Variants in ZNF407 observed in about 807,000 individuals in gnomAD.
ZNF407 encodes the protein zinc finger protein 407.
ZNF407 carries 17 observed loss-of-function variants against 131.2 expected under a neutral mutation model. That is an observed-to-expected ratio of 0.13 (90% CI 0.09 to 0.19). The LOEUF is 0.19. ZNF407 is among the 10% of genes least tolerant of loss of function. The pLI is 1.00. For missense variants in ZNF407, 2,681 were observed against 2,830.6 expected (o/e 0.95, Z 1.20); for synonymous variants, 1,156 against 1,062.0 (o/e 1.09, Z -1.72).
At chr18:74,598,771 C>CA (rs1280478839) in intron 1 of ZNF407, among the ~76,000 whole-genome samples, 1 of 152,262 alleles carries the variant, frequency 6.6e-6, no homozygotes, top group Non-Finnish European at 1.5e-5. Flanking sequence ...TCTTTCCAGC[C>CA]AGCTAGCACG....
chr18:74,884,166 A>G (rs1027287390), intron 6 of ZNF407, among the ~76,000 whole-genome samples: 2 of 152,208 alleles, frequency 1.3e-5, no homozygotes, highest in African/African-American at 4.8e-5. Flanking sequence ...TCTTCAAACC[A>G]TTAGCAAATA....
chr18:75,002,118 C>G (rs1972851935), intron 8 of ZNF407, among the ~76,000 whole-genome samples: 1 of 152,208 alleles, frequency 6.6e-6, no homozygotes, highest in African/African-American at 2.4e-5. Flanking sequence ...GCAACTGCAG[C>G]CTTCAGCCTT....
rs568924296 is a variant in ZNF407, at chr18:75,007,991, T to C, written c.5429-55159T>C. Among the ~76,000 whole-genome samples, 17 of 152,282 alleles carry C rather than the reference T, an allele frequency of 1.1e-4. No individual in the cohort carries two copies. In the South Asian group the frequency reaches 3.5e-3, roughly 32 times the overall value. On this transcript the variant is annotated intron_variant, in intron 8 of 8. Transcript: ENST00000299687. Reference sequence around the variant, plus strand: ...TTTTCTCGGCCAAAGGAATAACTCATTGAAATGCACAGGCTCAAGGGGAAT... The same window carrying C: ...TTTTCTCGGCCAAAGGAATAACTCACTGAAATGCACAGGCTCAAGGGGAAT...
intron 4 of ZNF407, among the ~76,000 whole-genome samples, chr18:74,843,949 A>G (rs954246464): frequency 1.3e-5 from 2 of 152,224 alleles, no homozygotes; most frequent in African/African-American, 4.8e-5. Context: ...TAGTTTAAAC[A>G]TGAAGCATGA....
intron 4 of ZNF407, among the ~76,000 whole-genome samples, chr18:74,792,336 A>G (rs543115516): frequency 6.6e-6 from 1 of 151,934 alleles, no homozygotes; most frequent in East Asian, 1.9e-4. Flanking sequence ...TTTAAATTAG[A>G]CCCAAATTTT....
intron 4 of ZNF407, among the ~76,000 whole-genome samples, chr18:74,868,828 A>C (rs1441646172): frequency 1.3e-5 from 2 of 152,214 alleles, no homozygotes; most frequent in African/African-American, 4.8e-5. Flanking sequence ...AGTCCCACAT[A>C]CTGTGGGGTT....
At chr18:74,886,543 A>C (rs753345393) in intron 6 of ZNF407, among the ~76,000 whole-genome samples, 1 of 152,234 alleles carries the variant, frequency 6.6e-6, no homozygotes, top group East Asian at 1.9e-4. Flanking sequence ...GTACACCCGT[A>C]TAATGGAATA....
intron 8 of ZNF407, among the ~76,000 whole-genome samples, chr18:74,925,515 T>A (rs1236586564): frequency 1.3e-5 from 2 of 152,210 alleles, no homozygotes; most frequent in African/African-American, 4.8e-5. Context: ...CATAAAAAAA[T>A]TTCCTTTGTC....
At chr18:74,629,542 GT>G (rs1983953190) in intron 1 of ZNF407, among the ~76,000 whole-genome samples, 1 of 152,124 alleles carries the variant, frequency 6.6e-6, no homozygotes, top group African/African-American at 2.4e-5. Context: ...GTCTTTTGAA[GT>G]TTTTAATTTT....
chr18:74,952,034 A>G lies in ZNF407; in HGVS notation c.5428+31342A>G, dbSNP rs1488801394. 2.0e-5 allele frequency among the ~76,000 whole-genome samples: 3 copies of G among 152,188 alleles called. No homozygotes were observed. In the East Asian group the frequency reaches 5.8e-4, roughly 29 times the overall value. ...ATGAAGTATTGCTAGAATAACTGCA[A>G]AGGTGTTGCAAGCAGTTTTCTCAGC... On this transcript the variant is annotated intron_variant, in intron 8 of 8. Coordinates refer to ENST00000299687, the MANE Select transcript of ZNF407 (RefSeq NM_017757.3).
chr18:74,933,395 C>T (rs1361289884), intron 8 of ZNF407, among the ~76,000 whole-genome samples: 1 of 151,948 alleles, frequency 6.6e-6, no homozygotes, highest in Admixed American at 6.6e-5. Context: ...TGTTGGGTGC[C>T]GGGAGCTGCA....
At chr18:75,027,019 A>G (rs932177219) in intron 8 of ZNF407, among the ~76,000 whole-genome samples, 33 of 152,232 alleles carry the variant, frequency 2.2e-4, no homozygotes, top group African/African-American at 7.5e-4. Flanking sequence ...CGACAAGGCC[A>G]TGAGTCAAAG....
intron 3 of ZNF407, among the ~76,000 whole-genome samples, chr18:74,714,705 A>G (rs1422922317): frequency 6.6e-6 from 1 of 152,172 alleles, no homozygotes; most frequent in Non-Finnish European, 1.5e-5. Context: ...TAGTATTATC[A>G]TATGTGGGTT....
chr18:74,600,901 G>C (rs1250310460), intron 1 of ZNF407, among the ~76,000 whole-genome samples: 3 of 152,174 alleles, frequency 2.0e-5, no homozygotes, highest in Non-Finnish European at 4.4e-5. Flanking sequence ...TAAGCACTTT[G>C]ATTGCAACTA....
intron 4 of ZNF407, among the ~76,000 whole-genome samples, chr18:74,876,689 C>T (rs1470836598): frequency 6.6e-6 from 1 of 152,096 alleles, no homozygotes; most frequent in Non-Finnish European, 1.5e-5. Context: ...CACATGGTCA[C>T]ACAGAAGGAC....
intron 3 of ZNF407, among the ~76,000 whole-genome samples, chr18:74,714,129 G>A (rs1463248739): frequency 6.6e-6 from 1 of 152,160 alleles, no homozygotes; most frequent in East Asian, 1.9e-4. Flanking sequence ...AAATGAATTT[G>A]AATCGCTTAT....
chr18:74,938,061 G>T (rs4891037), intron 8 of ZNF407, among the ~76,000 whole-genome samples: 23,406 of 152,072 alleles, frequency 0.15, 2,031 homozygotes, highest in Admixed American at 0.27. Flanking sequence ...TTTAATTCAT[G>T]ACCTCTTTTT....
chr18:74,905,951 G>C (rs2628115), intron 7 of ZNF407: 148,289 of 152,488 alleles, frequency 0.97, 72,236 homozygotes, highest in East Asian at 1. Context: ...AGAGACTTTG[G>C]GTAATTCTGT....
In ZNF407 at chr18:75,001,888, A is replaced by C. The variant is rs138331741; in HGVS notation, c.5429-61262A>C. On this transcript the variant is annotated intron_variant, in intron 8 of 8. Coordinates refer to ENST00000299687, the MANE Select transcript of ZNF407 (RefSeq NM_017757.3). ...ATTTGGAGACATTTTGGGTTGTCCCACCTTGGGCAAGGGCAGTTTTGGGAG... is the reference window on the plus strand; with the variant it reads ...ATTTGGAGACATTTTGGGTTGTCCCCCCTTGGGCAAGGGCAGTTTTGGGAG... Among the ~76,000 whole-genome samples, 190 of 152,274 alleles carry C rather than the reference A, an allele frequency of 1.2e-3. 1 individual carries two copies. Among genetic ancestry groups the C allele is most frequent in the African/African-American group, 4.2e-3 (175 of 41,552 alleles).
Sources: gnomAD v4.1 joint callset for allele counts (sites outside exome capture counted in the v4.1 genomes callset) on GRCh38, gnomAD v4.1.1 for gene constraint, MANE v1.5 for transcripts, NCBI Gene and HGNC (gene_info 2026-07-23, HGNC 2026-07-21) for gene names.